The following PAPOLG variants were observed in gnomAD, a reference collection of about 807,000 sequenced individuals.
PAPOLG encodes PAP-gamma.
PAPOLG carries 40 observed loss-of-function variants against 99.0 expected under a neutral mutation model. The observed-to-expected ratio is 0.40, with a 90% CI of 0.31 to 0.53. The LOEUF (loss-of-function observed/expected upper bound fraction) is 0.53. Ranked by LOEUF, PAPOLG falls within the 20% of genes least tolerant of loss-of-function variation. PAPOLG has a pLI of 0.41. For synonymous variants in PAPOLG, 310 were observed against 299.3 expected (o/e 1.04, Z -0.37); for missense variants, 675 against 884.1 (o/e 0.76, Z 3.00).
At chr2:60,760,095 T>A in intron 1 of PAPOLG, 39 bp from the exon 2 acceptor site, 4 of 1,590,106 alleles carry the variant, frequency 2.5e-6, no homozygotes, top group Non-Finnish European at 3.4e-6. Context: ...GGTATATACT[T>A]TAAATTTTTT....
In PAPOLG at chr2:60,757,466, A is replaced by G. The variant is rs1670383006; in HGVS notation, c.17+971A>G. ...GAGCTGCATGTTTTTTAATGCTATT[A>G]CTACATACACATGTGTTCATAATAA... On this transcript the variant is annotated intron_variant, in intron 1 of 21. Coordinates refer to ENST00000238714, the MANE Select transcript of PAPOLG (RefSeq NM_022894.4). 2.0e-5 allele frequency among the ~76,000 whole-genome samples: 3 copies of G among 152,080 alleles called. No homozygotes were observed. The South Asian group carries it at 6.2e-4, about 31-fold the overall frequency.
chr2:60,762,166 C>A (rs952480163), intron 3 of PAPOLG, among the ~76,000 whole-genome samples: 6 of 152,112 alleles, frequency 3.9e-5, no homozygotes, highest in African/African-American at 1.4e-4. Flanking sequence ...GGGGATTGGG[C>A]TCCTGTCTTC....
intron 14 of PAPOLG, 69 bp from the exon 15 acceptor site, chr2:60,787,442 T>G: frequency 6.7e-7 from 1 of 1,502,786 alleles, no homozygotes; most frequent in Non-Finnish European, 8.9e-7. Flanking sequence ...GTTTTAATTA[T>G]GAAATAGCAT....
chr2:60,776,541 C>T (rs1558694645), intron 8 of PAPOLG, among the ~76,000 whole-genome samples: 1 of 150,986 alleles, frequency 6.6e-6, no homozygotes, highest in Non-Finnish European at 1.5e-5. Flanking sequence ...GATTCTCCTG[C>T]CTCAGCCTCC....
intron 4 of PAPOLG, 53 bp downstream of exon 4, chr2:60,768,604 A>C: frequency 1.4e-6 from 2 of 1,452,540 alleles, no homozygotes; most frequent in Non-Finnish European, 1.9e-6. Context: ...CAAACTCTTC[A>C]TAATTAGAAA....
intron 4 of PAPOLG, 105 bp from the exon 5 acceptor site, chr2:60,768,676 T>C: frequency 1.5e-6 from 2 of 1,339,292 alleles, no homozygotes; most frequent in Non-Finnish European, 2.1e-6. Context: ...TAACATTTTC[T>C]TGTACTCAAC....
At chr2:60,793,838 GA>G in intron 18 of PAPOLG, 123 bp downstream of exon 18, 5 of 1,421,220 alleles carry the variant, frequency 3.5e-6, no homozygotes, top group Non-Finnish European at 4.8e-6. Flanking sequence ...CTGAGCCTGG[GA>G]AGTCAAGGCT....
rs1351239632 is a variant in PAPOLG at position 60,796,221 on chromosome 2, TTTTTTTTTTTTTTG to T, written c.2113-840_2113-827del. On this transcript the variant is annotated intron_variant, in intron 21 of 21. Transcript: ENST00000238714. ...GATTTTGCCTTCCTTTTTTTTTTTT[TTTTTTTTTTTTTTG>T]GACATGGAGGCTCGCTCTGTAGCCC... is the stretch of plus-strand genomic sequence containing the variant. Among the ~76,000 whole-genome samples, 63 of 110,758 alleles carry T rather than the reference TTTTTTTTTTTTTTG, an allele frequency of 5.7e-4. No homozygotes were observed. The South Asian group carries it at 0.012, about 22-fold the overall frequency. 72.7% of individuals were successfully genotyped at this position (110,758 alleles called of 152,430 possible).
chr2:60,788,262 A>C (rs1280808843), intron 15 of PAPOLG, among the ~76,000 whole-genome samples: 1 of 152,152 alleles, frequency 6.6e-6, no homozygotes, highest in East Asian at 1.9e-4. Flanking sequence ...CAGGATAAGG[A>C]GACATCACTG....
intron 15 of PAPOLG, among the ~76,000 whole-genome samples, chr2:60,787,871 G>C (rs1199871840): frequency 6.6e-6 from 1 of 152,126 alleles, no homozygotes; most frequent in African/African-American, 2.4e-5. Flanking sequence ...GGCTAATACG[G>C]TGAAACCCCG....
chr2:60,774,010 C>T (rs533898342), intron 7 of PAPOLG, among the ~76,000 whole-genome samples: 5 of 152,240 alleles, frequency 3.3e-5, no homozygotes, highest in Admixed American at 3.3e-4. Flanking sequence ...CATGTTCTTT[C>T]CCCACCTTTA....
At chr2:60,793,915 A>G in intron 18 of PAPOLG, 56 bp from the exon 19 acceptor site, 1 of 1,547,168 alleles carries the variant, frequency 6.5e-7, no homozygotes, top group Non-Finnish European at 8.8e-7. Context: ...CCCTGTCTCA[A>G]GGAAAAAAAA....
chr2:60,787,379 A>G, intron 14 of PAPOLG, 132 bp from the exon 15 acceptor site: 2 of 1,186,978 alleles, frequency 1.7e-6, no homozygotes, highest in Non-Finnish European at 2.3e-6. Flanking sequence ...ACTTTTAAGA[A>G]TCTGGCCAGA....
intron 8 of PAPOLG, among the ~76,000 whole-genome samples, chr2:60,775,762 CT>C (rs56074091): frequency 0.48 from 69,553 of 145,784 alleles, 16,534 homozygotes; most frequent in Middle Eastern, 0.59. Context: ...ATACTGTAGT[CT>C]TTTTTTTTTT....
intron 3 of PAPOLG, among the ~76,000 whole-genome samples, chr2:60,766,260 T>C (rs1220705294): frequency 6.6e-6 from 1 of 152,128 alleles, no homozygotes; most frequent in Non-Finnish European, 1.5e-5. Context: ...TTAAGAATTG[T>C]AATGGCAGAA....
intron 8 of PAPOLG, among the ~76,000 whole-genome samples, chr2:60,775,762 C>CTTTTT (rs56074091): frequency 1.4e-5 from 2 of 145,924 alleles, no homozygotes; most frequent in Admixed American, 6.8e-5. Flanking sequence ...ATACTGTAGT[C>CTTTTT]TTTTTTTTTT....
chr2:60,787,965 C>T (rs1456932972), intron 15 of PAPOLG, among the ~76,000 whole-genome samples: 3 of 151,734 alleles, frequency 2.0e-5, no homozygotes, highest in Admixed American at 6.6e-5. Flanking sequence ...TTGCTTGAAC[C>T]TGGGAGGAGG....
intron 3 of PAPOLG, 30 bp from the exon 4 acceptor site, chr2:60,768,440 T>C: frequency 3.7e-6 from 6 of 1,608,996 alleles, no homozygotes; most frequent in Non-Finnish European, 5.1e-6. Flanking sequence ...ATTTGAATAA[T>C]TGAATGTCTT....
rs920412089 is a variant in PAPOLG at position 60,800,085 on chromosome 2, A to G, written c.*2925A>G. 1 of 152,378 alleles carries G rather than the reference A, an allele frequency of 6.6e-6. No individual in the cohort carries two copies. The highest frequency in any genetic ancestry group is 2.1e-4 in the South Asian group (1 of 4,834). The allele number at this position is 152,378 out of a possible 1,614,324, so 9.4% of individuals were successfully genotyped here. ...GGAGAATATGTATGAAAGGAAAACA[A>G]TTACCTGCTAGCTTAAACCTTAGGG... On this transcript the variant is annotated 3_prime_UTR_variant, in exon 22 of 22. Transcript: ENST00000238714.
Sources: allele counts gnomAD v4.1 joint callset (sites outside exome capture counted in the v4.1 genomes callset), GRCh38; gene constraint gnomAD v4.1.1; transcripts MANE v1.5; gene names NCBI Gene and HGNC (gene_info 2026-07-23, HGNC 2026-07-21).